SART3: variants seen among roughly 807,000 people sequenced by gnomAD.
The protein encoded by SART3 is HIV-1 Tat-interacting protein of 110kDa.
A neutral mutation model predicts 122.3 loss-of-function variants in SART3; 44 were observed. That is an observed-to-expected ratio of 0.36 (90% CI 0.28 to 0.46). The LOEUF (loss-of-function observed/expected upper bound fraction) is 0.46, where lower values mean the gene tolerates loss of function less well. Ranked by LOEUF, SART3 falls within the 20% of genes least tolerant of loss-of-function variation. The pLI, the probability that SART3 is intolerant of heterozygous loss-of-function variation, is 1.00. For synonymous variants in SART3, 442 were observed against 454.0 expected, an observed-to-expected ratio of 0.97 and a Z score of 0.34; for missense variants, 1,101 against 1,229.0, an observed-to-expected ratio of 0.90 and a Z score of 1.56.
intron 5 of SART3, 38 bp from the exon 6 acceptor site, chr12:108,543,190 T>C (rs544415118): frequency 1.9e-6 from 3 of 1,611,630 alleles, no homozygotes; most frequent in Non-Finnish European, 2.5e-6. Context: ...GGTCTTGCCA[T>C]TGGGCTTTAT....
Position 108,560,953 on chromosome 12 carries a change from C to A in SART3, c.202G>T (p.Asp68Tyr). Reference sequence around the variant, plus strand: ...GCGGAGGAAGCCATGGCGTACTCATCCCCATCGCTCTCGCTCACGCCTTCC... The same window carrying A: ...GCGGAGGAAGCCATGGCGTACTCATACCCATCGCTCTCGCTCACGCCTTCC... ...QEEGVSESDG[D>Y]EYAMASSAES... The change falls in exon 1 of 19, where the codon GAT becomes TAT. Residue 68 changes from aspartate to tyrosine, a missense_variant. This residue lies in a region of SART3 where 216 missense variants were observed against 148.9 expected (regional missense o/e 1.45). Transcript: ENST00000546815. The A allele has an allele frequency of 6.2e-7, 1 of 1,614,092 alleles. No homozygotes were observed. Among genetic ancestry groups the A allele is most frequent in the Non-Finnish European group, 8.5e-7 (1 of 1,180,000 alleles).
chr12:108,560,817 T>C (rs2030497315), intron 1 of SART3, 26 bp downstream of exon 1: 4 of 1,564,894 alleles, frequency 2.6e-6, no homozygotes, highest in African/African-American at 1.4e-5. Context: ...GACTGGAAGA[T>C]GCCCGCTGCC....
At chr12:108,548,466 T>C (rs529270528) in intron 2 of SART3, among the ~76,000 whole-genome samples, 1 of 152,218 alleles carries the variant, frequency 6.6e-6, no homozygotes, top group South Asian at 2.1e-4. Flanking sequence ...ACACAGCTAG[T>C]AAAAGATGTA....
At chr12:108,533,957 A>C (rs1056631149) in intron 12 of SART3, among the ~76,000 whole-genome samples, 7 of 152,246 alleles carry the variant, frequency 4.6e-5, no homozygotes, top group Non-Finnish European at 8.8e-5. Context: ...AATGCTTCTA[A>C]AATACCTTTC....
chr12:108,523,279 G>A lies in SART3; in HGVS notation c.*178C>T, dbSNP rs1405673668. 2 of 687,046 alleles carry A rather than the reference G, an allele frequency of 2.9e-6. No homozygotes were observed. The highest frequency in any genetic ancestry group is 1.8e-5 in the African/African-American group (1 of 56,846). The allele number at this position is 687,046 out of a possible 1,614,324, so 42.6% of individuals were successfully genotyped here. A position where few individuals can be genotyped will look rare whatever the true frequency, so the allele number is the denominator to read the frequency against. Reference sequence around the variant, plus strand: ...TTCTGCCACTGCCCTCAATATGAGGGAGCACTGAAAGGCTCTTGACTTAGA... The same window carrying A: ...TTCTGCCACTGCCCTCAATATGAGGAAGCACTGAAAGGCTCTTGACTTAGA... On this transcript the variant is annotated 3_prime_UTR_variant, in exon 19 of 19. Transcript: ENST00000546815.
rs1872398937 is a variant in SART3, at chr12:108,526,639, G to A, written c.1916-86C>T. On this transcript the variant is annotated intron_variant, in intron 15 of 18. Transcript: ENST00000546815. ...AACAGAGGTGTGAAGTGAAAGTGCT[G>A]TGACAGCTGCATGTGACACTTACTC... The A allele has an allele frequency of 4.3e-6, 6 of 1,397,148 alleles. No individual in the cohort carries two copies. In the South Asian group the frequency reaches 5.8e-5, roughly 14 times the overall value. 86.5% of individuals were successfully genotyped at this position (1,397,148 alleles called of 1,614,324 possible).
intron 6 of SART3, among the ~76,000 whole-genome samples, chr12:108,540,450 ATAATAT>A (rs2136678578): frequency 6.6e-6 from 1 of 152,334 alleles, no homozygotes; most frequent in South Asian, 2.1e-4. Flanking sequence ...GGACAAATTT[ATAATAT>A]TATTATAAAG....
At chr12:108,533,155 C>A (rs529366114) in intron 12 of SART3, among the ~76,000 whole-genome samples, 2 of 152,128 alleles carry the variant, frequency 1.3e-5, no homozygotes, top group South Asian at 4.1e-4. Context: ...GATCCACGTA[C>A]CCCTGAGGAT....
chr12:108,540,382 T>A (rs1873103914), intron 6 of SART3, among the ~76,000 whole-genome samples: 1 of 152,004 alleles, frequency 6.6e-6, no homozygotes, highest in East Asian at 1.9e-4. Flanking sequence ...ACACAGAAAA[T>A]CTGTTACCAG....
intron 6 of SART3, 51 bp from the exon 7 acceptor site, chr12:108,539,140 C>T (rs7133076): frequency 0.82 from 1,320,024 of 1,605,996 alleles, 547,633 homozygotes; most frequent in East Asian, 0.93. Context: ...GGAAGCACAA[C>T]ACATCTGCAA....
chr12:108,529,060 T>A (rs1485917061), intron 15 of SART3, among the ~76,000 whole-genome samples: 1 of 151,870 alleles, frequency 6.6e-6, no homozygotes, highest in Non-Finnish European at 1.5e-5. Context: ...GAAGCGGAGG[T>A]TGAAGTGAGC....
chr12:108,553,586 A>G (rs1461707977), intron 1 of SART3, among the ~76,000 whole-genome samples: 1 of 152,218 alleles, frequency 6.6e-6, no homozygotes, highest in Non-Finnish European at 1.5e-5. Flanking sequence ...CCTACACTTC[A>G]TTCAAATTAC....
intron 1 of SART3, among the ~76,000 whole-genome samples, chr12:108,551,437 A>C (rs757551193): frequency 6.6e-6 from 1 of 152,196 alleles, no homozygotes; most frequent in Non-Finnish European, 1.5e-5. Flanking sequence ...ACTACTAGAC[A>C]CTTGAATATG....
chr12:108,551,031 A>C (rs1258628035), intron 1 of SART3, among the ~76,000 whole-genome samples: 1 of 152,214 alleles, frequency 6.6e-6, no homozygotes, highest in African/African-American at 2.4e-5. Flanking sequence ...TATGCTAATT[A>C]AAAGGTAGAT....
rs545163428 is a variant in SART3, at chr12:108,550,981, T to C, written c.313-1767A>G. Among the ~76,000 whole-genome samples the C allele has an allele frequency of 2.6e-5, 4 of 152,338 alleles. No homozygotes were observed. In the East Asian group the frequency reaches 7.7e-4, roughly 29 times the overall value. ...AATAGTAAAACGGCAGGCTTTGGTC[T>C]GAATAAACCAACAATTGCCTTAAAT... On this transcript the variant is annotated intron_variant, in intron 1 of 18. Transcript: ENST00000546815.
intron 6 of SART3, among the ~76,000 whole-genome samples, chr12:108,539,635 T>C (rs17040673): frequency 3.0e-4 from 46 of 152,368 alleles, no homozygotes; most frequent in African/African-American, 1.0e-3. Context: ...TTATTCGACA[T>C]GTTTTCTCTT....
chr12:108,549,170 G>C lies in SART3; in HGVS notation c.357C>G (p.Ile119Met). Reference sequence around the variant, plus strand: ...GCTCCCCTTCCAGCCTGAGCAGTCTGATCAAGTCCACATGGCAGTTGTAGT... The same window carrying C: ...GCTCCCCTTCCAGCCTGAGCAGTCTCATCAAGTCCACATGGCAGTTGTAGT... ...VYDYNCHVDL[I>M]RLLRLEGELT... The change falls in exon 2 of 19, where the codon ATC becomes ATG. Residue 119 changes from isoleucine (I) to methionine (M), a missense_variant. Coordinates refer to ENST00000546815, the MANE Select transcript of SART3 (RefSeq NM_014706.4). 1 of 1,614,144 alleles carries C rather than the reference G, an allele frequency of 6.2e-7. No individual in the cohort carries two copies. Among genetic ancestry groups the C allele is most frequent in the Non-Finnish European group, 8.5e-7 (1 of 1,179,984 alleles).
At chr12:108,547,385 T>C (rs547040664) in intron 3 of SART3, among the ~76,000 whole-genome samples, 69 of 152,342 alleles carry the variant, frequency 4.5e-4, no homozygotes, top group African/African-American at 1.3e-3. Context: ...GTCTTTTTTT[T>C]CCCATTGTTC....
intron 1 of SART3, chr12:108,560,240 T>C (rs2030443264): frequency 6.5e-6 from 1 of 153,246 alleles, no homozygotes; most frequent in South Asian, 2.0e-4. Flanking sequence ...AATTATATTA[T>C]GCAGAAATTG....
Sources: allele counts gnomAD v4.1 joint callset (sites outside exome capture counted in the v4.1 genomes callset), GRCh38; gene constraint gnomAD v4.1.1; regional missense constraint gnomAD v4.1.1; transcripts MANE v1.5; gene names NCBI Gene and HGNC (gene_info 2026-07-23, HGNC 2026-07-21).